The following RNF145 variants were observed in gnomAD, a reference collection of about 807,000 sequenced individuals.
RNF145 encodes ring finger protein 145.
Under a neutral mutation model 57.3 loss-of-function variants are expected in RNF145, and 12 were observed. The observed-to-expected ratio is 0.21, with a 90% CI of 0.13 to 0.34. The LOEUF (loss-of-function observed/expected upper bound fraction) is 0.34. RNF145 is among the 10% of genes least tolerant of loss of function. The pLI, the probability that RNF145 is intolerant of heterozygous loss-of-function variation, is 1.00. For synonymous variants in RNF145, 262 were observed against 288.3 expected (o/e 0.91, Z 0.92); for missense variants, 429 against 799.0 (o/e 0.54, Z 5.58).
At chr5:159,159,423 T>C (rs114395386) in intron 10 of RNF145, among the ~76,000 whole-genome samples, 1,641 of 152,334 alleles carry the variant, frequency 0.011, 21 homozygotes, top group African/African-American at 0.036. Context: ...CAGGACTTTT[T>C]CTACAGTTTT....
At chr5:159,179,100 C>T (rs1784800287) in intron 4 of RNF145, among the ~76,000 whole-genome samples, 1 of 152,012 alleles carries the variant, frequency 6.6e-6, no homozygotes, top group South Asian at 2.1e-4. Flanking sequence ...ACAATGTAAA[C>T]TTCCTCTAAG....
intron 1 of RNF145, chr5:159,207,835 T>C (rs764679319): frequency 1.9e-6 from 3 of 1,614,016 alleles, no homozygotes; most frequent in Non-Finnish European, 2.5e-6. Flanking sequence ...CTACTCTGAA[T>C]ACAAAGGCCA....
chr5:159,168,330 C>T (rs930791367), intron 8 of RNF145, among the ~76,000 whole-genome samples: 6 of 152,022 alleles, frequency 3.9e-5, no homozygotes, highest in Non-Finnish European at 8.8e-5. Context: ...TTCATTTGGT[C>T]CTATAAGTTG....
chr5:159,201,649 A>G (rs1340551961), intron 2 of RNF145, among the ~76,000 whole-genome samples: 1 of 152,182 alleles, frequency 6.6e-6, no homozygotes, highest in Non-Finnish European at 1.5e-5. Flanking sequence ...CTCCACATAC[A>G]TCACAAACAA....
At chr5:159,178,687 T>C (rs1026924348) in intron 4 of RNF145, among the ~76,000 whole-genome samples, 2 of 152,084 alleles carry the variant, frequency 1.3e-5, no homozygotes, top group Non-Finnish European at 2.9e-5. Context: ...AAAATGCTTA[T>C]TGGAGTATTT....
intron 4 of RNF145, among the ~76,000 whole-genome samples, chr5:159,180,471 T>G (rs1784854731): frequency 6.6e-6 from 1 of 152,068 alleles, no homozygotes; most frequent in Admixed American, 6.6e-5. Flanking sequence ...CATCCTTTGC[T>G]CTACAATTTC....
At chr5:159,199,483 A>C (rs990732656) in intron 2 of RNF145, among the ~76,000 whole-genome samples, 3 of 152,130 alleles carry the variant, frequency 2.0e-5, no homozygotes, top group South Asian at 2.1e-4. Context: ...ATGAGGGTTG[A>C]ATTTTACATT....
chr5:159,169,875 C>T, intron 6 of RNF145, 56 bp from the exon 7 acceptor site: 2 of 1,371,994 alleles, frequency 1.5e-6, no homozygotes, highest in South Asian at 1.4e-5. Context: ...GGAGTAAACA[C>T]ATTTGAGGCC....
At chr5:159,177,223 C>T (rs894210128) in intron 4 of RNF145, among the ~76,000 whole-genome samples, 2 of 152,018 alleles carry the variant, frequency 1.3e-5, no homozygotes, top group African/African-American at 2.4e-5. Context: ...TCCAAAGGTA[C>T]GCAATATTTA....
chr5:159,162,089 C>CT (rs1248368881), intron 9 of RNF145, among the ~76,000 whole-genome samples: 1 of 152,146 alleles, frequency 6.6e-6, no homozygotes, highest in Non-Finnish European at 1.5e-5. Flanking sequence ...AAAGATCTTC[C>CT]TTTAAGTTAC....
At position 159,169,777 on chromosome 5, in the gene RNF145, C is replaced by T; in HGVS notation, c.840G>A (p.Leu280=). 6.2e-7 allele frequency: 1 copy of T among 1,612,980 alleles called. No homozygotes were observed. Among genetic ancestry groups the T allele is most frequent in the South Asian group, 1.1e-5 (1 of 90,946 alleles). The stretch of plus-strand genomic sequence containing the variant: ...AGGCAACAAAAGAAACCGTGAAGAC[C>T]AAACCCAAAAGAGAGTAAGGAGTGC... ...CCSTPYSLLG[L]VFTVSFVALG... The change falls in exon 7 of 11, where the codon TTG becomes TTA. Residue 280 remains leucine (L), a synonymous_variant. Coordinates refer to ENST00000424310, the MANE Select transcript of RNF145 (RefSeq NM_001199383.2).
intron 2 of RNF145, 43 bp from the exon 3 acceptor site, chr5:159,194,867 C>T: frequency 7.5e-7 from 1 of 1,326,292 alleles, no homozygotes; most frequent in African/African-American, 1.5e-5. Flanking sequence ...AATTTAGTTT[C>T]CCAATTAATT....
In RNF145 at chr5:159,181,962, A is replaced by G. The variant is rs777492711; in HGVS notation, c.383T>C (p.Ile128Thr). ...TTTAATTCTTTTATAATACTTACCT[A>G]TTAAGGCTGTGGTAAACCGATTCAT... The part of the protein sequence containing the change: ...LSMNRFTTAL[I>T]GQLVVCTLCS... The change falls in exon 4 of 11, where the codon ATA becomes ACA. Residue 128 changes from isoleucine (I) to threonine (T), a missense_variant and splice_region_variant. By Grantham distance (89) the Ile-to-Thr change is moderately conservative. Coordinates refer to ENST00000424310, the MANE Select transcript of RNF145 (RefSeq NM_001199383.2). The G allele has an allele frequency of 6.4e-7, 1 of 1,573,104 alleles. No individual in the cohort carries two copies. The highest frequency in any genetic ancestry group is 1.1e-5 in the South Asian group (1 of 90,124).
In RNF145 at chr5:159,207,696, G is replaced by A. The variant is rs1785943931; in HGVS notation, c.-40+1535C>T. The A allele has an allele frequency of 5.0e-6, 8 of 1,612,550 alleles. No individual in the cohort carries two copies. The East Asian group carries it at 1.8e-4, about 36-fold the overall frequency. On this transcript the variant is annotated intron_variant, in intron 1 of 10. Transcript: ENST00000424310. The stretch of plus-strand genomic sequence containing the variant: ...ATTTCTTACATAAGCAATGGCACAT[G>A]TTTTAAATATAGCTGGTCCTCCCCA...
rs57179088 is a variant in RNF145, at chr5:159,172,479, CAA to C, written c.797+1502_797+1503del. The stretch of plus-strand genomic sequence containing the variant: ...TGGGCGACGGAGCCAGATTCCGTCT[CAA>C]AAAAAAAAAAGTCTGCATAAAACCT... On this transcript the variant is annotated intron_variant, in intron 6 of 10. Transcript: ENST00000424310. 4.7e-4 allele frequency among the ~76,000 whole-genome samples: 64 copies of C among 135,770 alleles called. 2 individuals carry two copies. The highest frequency in any genetic ancestry group is 1.5e-3 in the African/African-American group (57 of 36,862). 89.1% of individuals were successfully genotyped at this position (135,770 alleles called of 152,430 possible).
chr5:159,181,938 T>G (rs1784908810), intron 4 of RNF145, 22 bp downstream of exon 4: 6 of 1,405,350 alleles, frequency 4.3e-6, no homozygotes, highest in Non-Finnish European at 6.0e-6. Flanking sequence ...TACCTACACT[T>G]TAATTCTTTT....
At chr5:159,162,877 G>C in intron 9 of RNF145, 55 bp downstream of exon 9, 1 of 1,439,196 alleles carries the variant, frequency 6.9e-7, no homozygotes, top group South Asian at 1.4e-5. Context: ...TCCTCCTCTG[G>C]GAGGAAAAAT....
intron 1 of RNF145, 34 bp downstream of exon 1, chr5:159,209,197 G>C (rs1353735306): frequency 3.7e-5 from 35 of 945,026 alleles, no homozygotes; most frequent in Non-Finnish European, 4.4e-5. Flanking sequence ...GGGGGCGCGG[G>C]GATGGGAAGG....
intron 1 of RNF145, among the ~76,000 whole-genome samples, chr5:159,206,017 T>G (rs924410855): frequency 2.6e-5 from 4 of 152,092 alleles, no homozygotes; most frequent in Non-Finnish European, 5.9e-5. Flanking sequence ...ATTACAAAAG[T>G]CCATTAGCAG....
Sources: gnomAD v4.1 joint callset for allele counts (sites outside exome capture counted in the v4.1 genomes callset) on GRCh38, gnomAD v4.1.1 for gene constraint, MANE v1.5 for transcripts, NCBI Gene and HGNC (gene_info 2026-07-23, HGNC 2026-07-21) for gene names.